The following RIGI variants were observed in gnomAD, a reference collection of about 807,000 sequenced individuals.
The protein encoded by RIGI is antiviral innate immune response receptor RIG-I.
At chr9:32,525,097 G>A in the RIGI span, among the ~76,000 whole-genome samples, 75 of 152,274 alleles carry the variant, frequency 4.9e-4, no homozygotes, top group African/African-American at 1.7e-3. Flanking sequence ...TTGCAAGCCT[G>A]CTGTGAATCA....
the RIGI span, chr9:32,455,976 A>T: frequency 6.6e-6 from 1 of 152,194 alleles, no homozygotes; most frequent in South Asian, 2.1e-4. Flanking sequence ...CATCCCGTTG[A>T]TCTCCAGGGA....
At chr9:32,490,608 T>C in the RIGI span, among the ~76,000 whole-genome samples, 1 of 152,218 alleles carries the variant, frequency 6.6e-6, no homozygotes, top group Non-Finnish European at 1.5e-5. Context: ...CTACCACCAC[T>C]ATTAATCCCA....
At chr9:32,516,627 C>T in the RIGI span, among the ~76,000 whole-genome samples, 1 of 152,142 alleles carries the variant, frequency 6.6e-6, no homozygotes, top group African/African-American at 2.4e-5. Context: ...GCCCAGACAG[C>T]AAGATCTGCT....
At chr9:32,468,059 T>C in the RIGI span, 2 of 813,516 alleles carry the variant, frequency 2.5e-6, no homozygotes, top group Non-Finnish European at 3.7e-6. Flanking sequence ...ATATCCATGA[T>C]CTCACAACAC....
At chr9:32,478,100 G>A in the RIGI span, among the ~76,000 whole-genome samples, 1 of 151,718 alleles carries the variant, frequency 6.6e-6, no homozygotes, top group Middle Eastern at 3.2e-3. Flanking sequence ...CTGGAGTGCA[G>A]TGGTGCGCTC....
At chr9:32,464,933 C>A in the RIGI span, among the ~76,000 whole-genome samples, 639 of 152,318 alleles carry the variant, frequency 4.2e-3, 3 homozygotes, top group African/African-American at 0.015. Context: ...ACTCCTTATC[C>A]TGGTGTGCTG....
the RIGI span, among the ~76,000 whole-genome samples, chr9:32,513,164 C>T: frequency 6.6e-6 from 1 of 151,802 alleles, no homozygotes; most frequent in Non-Finnish European, 1.5e-5. Flanking sequence ...TTTATAGATT[C>T]AATGCCATCC....
chr9:32,467,628 G>T, the RIGI span: 1 of 767,188 alleles, frequency 1.3e-6, no homozygotes, highest in Non-Finnish European at 1.9e-6. Flanking sequence ...AAGGGCCAAT[G>T]ATACCAAAGT....
chr9:32,523,388 T>C, the RIGI span, among the ~76,000 whole-genome samples: 1 of 152,200 alleles, frequency 6.6e-6, no homozygotes, highest in Non-Finnish European at 1.5e-5. Flanking sequence ...TCTTCATGGA[T>C]GTATCCAAGG....
the RIGI span, chr9:32,485,319 G>C: frequency 7.2e-7 from 1 of 1,393,484 alleles, no homozygotes; most frequent in Non-Finnish European, 9.9e-7. Context: ...AAAAAAGAGT[G>C]AGTATATTTT....
the RIGI span, among the ~76,000 whole-genome samples, chr9:32,500,498 T>G: frequency 2.0e-5 from 3 of 152,220 alleles, no homozygotes; most frequent in African/African-American, 7.2e-5. Context: ...TGATACTTCA[T>G]TTTGGATTAC....
At chr9:32,506,324 T>G in the RIGI span, among the ~76,000 whole-genome samples, 3 of 152,204 alleles carry the variant, frequency 2.0e-5, no homozygotes, top group African/African-American at 7.2e-5. Flanking sequence ...TAACCCTCCA[T>G]CGATAGTGTA....
At chr9:32,511,064 A>G in the RIGI span, among the ~76,000 whole-genome samples, 71 of 152,354 alleles carry the variant, frequency 4.7e-4, 2 homozygotes, top group Middle Eastern at 3.4e-3. Context: ...TATGCACCCA[A>G]TACAGGAATA....
At chr9:32,457,092 T>A in the RIGI span, 1 of 1,576,836 alleles carries the variant, frequency 6.3e-7, no homozygotes, top group Non-Finnish European at 8.7e-7. Context: ...AGTTACTCAT[T>A]CCCTGTAGCT....
chr9:32,490,423 CAG>C, the RIGI span, among the ~76,000 whole-genome samples: 1 of 151,564 alleles, frequency 6.6e-6, no homozygotes. Flanking sequence ...CTTCACGTGT[CAG>C]AAAATTTAAA....
the RIGI span, among the ~76,000 whole-genome samples, chr9:32,517,408 A>G: frequency 6.6e-6 from 1 of 152,206 alleles, no homozygotes; most frequent in Non-Finnish European, 1.5e-5. Context: ...CTAGATGTAC[A>G]TTAACTATGT....
the RIGI span, among the ~76,000 whole-genome samples, chr9:32,468,665 TAA>T: frequency 7.0e-6 from 1 of 143,418 alleles, no homozygotes; most frequent in Admixed American, 7.0e-5. Flanking sequence ...GACTCTATCT[TAA>T]AAAAAAAAAA....
chr9:32,467,796 A>G, the RIGI span: 6 of 1,603,842 alleles, frequency 3.7e-6, no homozygotes, highest in Non-Finnish European at 5.1e-6. Flanking sequence ...CATTGCCCAC[A>G]TACTCATAAA....
chr9:32,476,514 GA>G, the RIGI span, among the ~76,000 whole-genome samples: 3 of 147,572 alleles, frequency 2.0e-5, no homozygotes, highest in African/African-American at 5.0e-5. Context: ...CTAAGTGGGG[GA>G]AAAAAAAACA....
Sources: allele counts gnomAD v4.1 joint callset (sites outside exome capture counted in the v4.1 genomes callset), GRCh38; gene constraint gnomAD v4.1.1; transcripts MANE v1.5; gene names NCBI Gene and HGNC (gene_info 2026-07-23, HGNC 2026-07-21).